TMEM132D: variants seen among roughly 807,000 people sequenced by gnomAD.
TMEM132D encodes the protein mature OL transmembrane protein.
In TMEM132D, 21 loss-of-function variants were observed where a neutral mutation model predicts 62.3. The observed-to-expected ratio is 0.34, with a 90% CI of 0.24 to 0.49. The LOEUF is 0.49. Among genes scored for constraint, TMEM132D ranks in the 20% least tolerant of loss-of-function variants. TMEM132D has a pLI of 0.99. For missense variants in TMEM132D, 1,346 were observed against 1,402.8 expected (o/e 0.96, Z 0.65); for synonymous variants, 621 against 575.6 (o/e 1.08, Z -1.13).
chr12:129,877,418 T>A (rs1164164208), intron 1 of TMEM132D, among the ~76,000 whole-genome samples: 1 of 152,102 alleles, frequency 6.6e-6, no homozygotes, highest in African/African-American at 2.4e-5. Flanking sequence ...GGCCGCTGGC[T>A]AGCAGAAGGA....
intron 4 of TMEM132D, among the ~76,000 whole-genome samples, chr12:129,285,535 A>AAAAAAAAAAAAAAAT (rs1422701554): frequency 7.8e-6 from 1 of 128,964 alleles, no homozygotes; most frequent in Non-Finnish European, 1.7e-5. Flanking sequence ...TCAAAAAAAA[A>AAAAAAAAAAAAAAAT]AAAAAGAGAG....
intron 5 of TMEM132D, among the ~76,000 whole-genome samples, chr12:129,190,066 G>C (rs534360208): frequency 2.0e-5 from 3 of 151,072 alleles, no homozygotes; most frequent in East Asian, 3.9e-4. Flanking sequence ...GTCTTGGGAC[G>C]GCCTGCAGAT....
intron 2 of TMEM132D, among the ~76,000 whole-genome samples, chr12:129,686,932 G>T (rs992989691): frequency 2.0e-5 from 3 of 152,166 alleles, no homozygotes; most frequent in African/African-American, 7.2e-5. Context: ...ACGCTTTTCG[G>T]GTTTTTCCTT....
At chr12:129,368,634 T>C (rs894756241) in intron 3 of TMEM132D, among the ~76,000 whole-genome samples, 4 of 152,084 alleles carry the variant, frequency 2.6e-5, no homozygotes, top group Non-Finnish European at 5.9e-5. Flanking sequence ...TTCTGGGTCC[T>C]CCATTGACGA....
At chr12:129,133,364 T>C (rs982209227) in intron 5 of TMEM132D, among the ~76,000 whole-genome samples, 1 of 152,246 alleles carries the variant, frequency 6.6e-6, no homozygotes, top group African/African-American at 2.4e-5. Flanking sequence ...AGTAGATGAA[T>C]GGACCAGCAA....
intron 5 of TMEM132D, among the ~76,000 whole-genome samples, chr12:129,193,446 C>G (rs1027978564): frequency 6.6e-6 from 1 of 152,160 alleles, no homozygotes. Flanking sequence ...AGGTGCTATG[C>G]CTGCAATTTG....
intron 5 of TMEM132D, among the ~76,000 whole-genome samples, chr12:129,182,553 G>A (rs561519402): frequency 2.6e-5 from 4 of 152,296 alleles, no homozygotes; most frequent in Admixed American, 1.3e-4. Flanking sequence ...TGGCAAAGTC[G>A]CCTCTTCCTG....
At chr12:129,509,568 A>T (rs1287841470) in intron 3 of TMEM132D, among the ~76,000 whole-genome samples, 1 of 152,082 alleles carries the variant, frequency 6.6e-6, no homozygotes, top group Non-Finnish European at 1.5e-5. Context: ...ATTAGGTCTT[A>T]TTCATTCTTT....
intron 4 of TMEM132D, among the ~76,000 whole-genome samples, chr12:129,228,310 T>A (rs1879539470): frequency 6.6e-6 from 1 of 152,004 alleles, no homozygotes; most frequent in Non-Finnish European, 1.5e-5. Context: ...GACCTAGAGG[T>A]TTTCCATTTT....
At chr12:129,686,122 G>A (rs1880908913) in intron 2 of TMEM132D, among the ~76,000 whole-genome samples, 1 of 152,098 alleles carries the variant, frequency 6.6e-6, no homozygotes. Context: ...TAAGACTTTG[G>A]GGGACACCGT....
chr12:129,353,130 C>A (rs550056272), intron 3 of TMEM132D, among the ~76,000 whole-genome samples: 15 of 135,958 alleles, frequency 1.1e-4, no homozygotes, highest in African/African-American at 3.7e-4. Context: ...TCCCTTCCTT[C>A]CTTCTCTCTT....
intron 8 of TMEM132D, among the ~76,000 whole-genome samples, chr12:129,077,807 A>G (rs900559127): frequency 2.0e-5 from 3 of 151,290 alleles, no homozygotes; most frequent in Admixed American, 1.3e-4. Context: ...TATACAACAC[A>G]AGCACACATG....
rs192969631 is a variant in TMEM132D at position 129,335,791 on chromosome 12, C to G, written c.1299+1843G>C. On this transcript the variant is annotated intron_variant, in intron 4 of 8. Coordinates refer to ENST00000422113, the MANE Select transcript of TMEM132D (RefSeq NM_133448.3). ...CATGCTAAAAAAGTAGGTTTCTCAGCCTTCCTTACAATTAGATGTGGCTAT... is the reference window on the plus strand; with the variant it reads ...CATGCTAAAAAAGTAGGTTTCTCAGGCTTCCTTACAATTAGATGTGGCTAT... Among the ~76,000 whole-genome samples, 367 of 152,296 alleles carry G rather than the reference C, an allele frequency of 2.4e-3. 1 individual carries two copies. The highest frequency in any genetic ancestry group is 0.02 in the Middle Eastern group (6 of 294).
chr12:129,187,740 C>A (rs1445654234), intron 5 of TMEM132D, among the ~76,000 whole-genome samples: 1 of 152,192 alleles, frequency 6.6e-6, no homozygotes, highest in Non-Finnish European at 1.5e-5. Flanking sequence ...GTGGAGTCAT[C>A]CTTCCAAATA....
At chr12:129,745,256 C>G (rs2137262345) in intron 1 of TMEM132D, among the ~76,000 whole-genome samples, 1 of 152,328 alleles carries the variant, frequency 6.6e-6, no homozygotes, top group Admixed American at 6.5e-5. Context: ...TTCTTAGAGA[C>G]TGGCTGGAAG....
At chr12:129,147,328 AC>A (rs1876941746) in intron 5 of TMEM132D, among the ~76,000 whole-genome samples, 1 of 150,924 alleles carries the variant, frequency 6.6e-6, no homozygotes, top group African/African-American at 2.4e-5. Context: ...GTATATATAT[AC>A]ATATATATTT....
chr12:129,798,422 A>G (rs1325991113), intron 1 of TMEM132D, among the ~76,000 whole-genome samples: 1 of 152,202 alleles, frequency 6.6e-6, no homozygotes, highest in African/African-American at 2.4e-5. Context: ...ATTCTGTAAA[A>G]TAATTAGAAG....
At chr12:129,576,240 G>A (rs1470708131) in intron 2 of TMEM132D, among the ~76,000 whole-genome samples, 1 of 151,826 alleles carries the variant, frequency 6.6e-6, no homozygotes, top group African/African-American at 2.4e-5. Flanking sequence ...AAATGGTGTG[G>A]GTTGAAACTG....
At chr12:129,554,034 T>C (rs1157366541) in intron 2 of TMEM132D, among the ~76,000 whole-genome samples, 1 of 152,218 alleles carries the variant, frequency 6.6e-6, no homozygotes, top group Non-Finnish European at 1.5e-5. Flanking sequence ...CTCAAAATTC[T>C]AGATATAGTC....
Sources: allele counts gnomAD v4.1 joint callset (sites outside exome capture counted in the v4.1 genomes callset), GRCh38; gene constraint gnomAD v4.1.1; transcripts MANE v1.5; gene names NCBI Gene and HGNC (gene_info 2026-07-23, HGNC 2026-07-21).